Variants in SYN3 observed in about 807,000 individuals in gnomAD.
SYN3 encodes the protein synapsin III, also known as synapsin-3.
In SYN3, 35 loss-of-function variants were observed where a neutral mutation model predicts 65.8. The ratio of observed to expected loss-of-function variants is 0.53; its 90% CI spans 0.41 to 0.70. The LOEUF (loss-of-function observed/expected upper bound fraction) is 0.70. SYN3 is among the 30% of genes least tolerant of loss of function. The pLI is 0.00. For synonymous variants in SYN3, 270 were observed against 292.9 expected (o/e 0.92, Z 0.80); for missense variants, 680 against 749.0 (o/e 0.91, Z 1.08).
chr22:32,592,447 A>G (rs1243206540), intron 7 of SYN3, among the ~76,000 whole-genome samples: 2 of 152,160 alleles, frequency 1.3e-5, no homozygotes, highest in Admixed American at 6.5e-5. Flanking sequence ...GAGTTTCACC[A>G]TATTTTGATT....
At chr22:32,799,588 G>A (rs2046512714) in intron 6 of SYN3, among the ~76,000 whole-genome samples, 1 of 152,210 alleles carries the variant, frequency 6.6e-6, no homozygotes, top group African/African-American at 2.4e-5. Context: ...CCTCTATCAT[G>A]TAAGATGCTT....
intron 7 of SYN3, among the ~76,000 whole-genome samples, chr22:32,572,879 T>C (rs979645226): frequency 2.0e-5 from 3 of 152,186 alleles, no homozygotes; most frequent in Admixed American, 2.0e-4. Flanking sequence ...GGGCCTTGCG[T>C]TGCCACTGCG....
intron 9 of SYN3, among the ~76,000 whole-genome samples, chr22:32,537,437 G>T (rs1423988872): frequency 6.6e-6 from 1 of 152,188 alleles, no homozygotes; most frequent in Non-Finnish European, 1.5e-5. Context: ...GGGATTACAG[G>T]TGTGAGCCAC....
At chr22:32,624,856 C>T (rs979693617) in intron 6 of SYN3, among the ~76,000 whole-genome samples, 10 of 152,180 alleles carry the variant, frequency 6.6e-5, no homozygotes, top group Non-Finnish European at 1.5e-4. Context: ...TCTAGTCCTG[C>T]CCGCTAATTG....
intron 7 of SYN3, among the ~76,000 whole-genome samples, chr22:32,574,956 A>G (rs114359850): frequency 1.2e-3 from 181 of 152,364 alleles, no homozygotes; most frequent in African/African-American, 4.0e-3. Context: ...TTAAACTCGC[A>G]AATGTATTCC....
rs1165750450 is a variant in SYN3, at chr22:32,510,440, T to C, written c.*3252A>G. Among the ~76,000 whole-genome samples the C allele has an allele frequency of 6.6e-6, 1 of 152,204 alleles. No individual in the cohort carries two copies. The highest frequency in any genetic ancestry group is 1.5e-5 in the Non-Finnish European group (1 of 68,038). ...GTTGTATGTTTTGAGCTGTCTTTTA[T>C]TACTAAGTGAAAACTGGGTGAGATT... On this transcript the variant is annotated 3_prime_UTR_variant, in exon 14 of 14. Coordinates refer to ENST00000358763, the MANE Select transcript of SYN3 (RefSeq NM_003490.4).
chr22:32,667,403 A>T (rs1465586510), intron 6 of SYN3, among the ~76,000 whole-genome samples: 2 of 152,148 alleles, frequency 1.3e-5, no homozygotes. Context: ...TTTCAAGATG[A>T]CAAATATCTT....
chr22:32,827,931 C>G (rs1316405969), intron 6 of SYN3, among the ~76,000 whole-genome samples: 1 of 152,182 alleles, frequency 6.6e-6, no homozygotes, highest in East Asian at 1.9e-4. Context: ...CAAATGTCAC[C>G]TTCGTAGAGA....
At chr22:32,914,414 T>G (rs961352650) in intron 4 of SYN3, among the ~76,000 whole-genome samples, 1 of 151,108 alleles carries the variant, frequency 6.6e-6, no homozygotes, top group Non-Finnish European at 1.5e-5. Context: ...AATATGGGGA[T>G]AGTAACAGGC....
At position 32,676,661 on chromosome 22, in the gene SYN3, C is replaced by T. The variant is rs1365653377; in HGVS notation, c.712-79925G>A. Among the ~76,000 whole-genome samples, 7 of 150,156 alleles carry T rather than the reference C, an allele frequency of 4.7e-5. No individual in the cohort carries two copies. The East Asian group carries it at 5.9e-4, about 13-fold the overall frequency. ...ACGCCATTCTCCTGCCTTAGCCCCC[C>T]GAGTAGCTGGGACTACAGGCACCCA... On this transcript the variant is annotated intron_variant, in intron 6 of 13. Transcript: ENST00000358763.
intron 6 of SYN3, among the ~76,000 whole-genome samples, chr22:32,721,784 G>T (rs2061122714): frequency 6.6e-6 from 1 of 152,202 alleles, no homozygotes; most frequent in South Asian, 2.1e-4. Flanking sequence ...AATGTCAGAT[G>T]ATAAATCGTC....
chr22:32,736,018 C>T (rs2061333080), intron 6 of SYN3, among the ~76,000 whole-genome samples: 1 of 152,176 alleles, frequency 6.6e-6, no homozygotes, highest in Non-Finnish European at 1.5e-5. Flanking sequence ...GGCAGGATTT[C>T]CTAGAATCAG....
At chr22:32,730,404 A>G (rs781296755) in intron 6 of SYN3, among the ~76,000 whole-genome samples, 1 of 152,286 alleles carries the variant, frequency 6.6e-6, no homozygotes, top group African/African-American at 2.4e-5. Context: ...TGGGCTAGAC[A>G]CTGCAGATTC....
intron 3 of SYN3, among the ~76,000 whole-genome samples, chr22:32,964,589 C>A (rs1015996547): frequency 6.6e-6 from 1 of 152,096 alleles, no homozygotes; most frequent in Admixed American, 6.5e-5. Flanking sequence ...GTTATGATCA[C>A]AATTCTGCCA....
chr22:32,635,225 A>G (rs569095633), intron 6 of SYN3: 6 of 152,104 alleles, frequency 3.9e-5, no homozygotes, highest in Non-Finnish European at 8.8e-5. Context: ...CTGTCTGTCT[A>G]TCTATCTGTC....
chr22:32,992,455 G>A (rs1444264072), intron 2 of SYN3, among the ~76,000 whole-genome samples: 1 of 152,198 alleles, frequency 6.6e-6, no homozygotes, highest in Non-Finnish European at 1.5e-5. Context: ...TCTACCAGGT[G>A]GGAGCGTCAT....
At chr22:32,606,292 G>A (rs768733657) in intron 6 of SYN3, among the ~76,000 whole-genome samples, 10 of 152,280 alleles carry the variant, frequency 6.6e-5, no homozygotes, top group East Asian at 3.9e-4. Context: ...GGGGCAGCCC[G>A]GAAATGGGGT....
intron 4 of SYN3, among the ~76,000 whole-genome samples, chr22:32,904,991 G>A (rs1471211469): frequency 6.6e-6 from 1 of 152,096 alleles, no homozygotes; most frequent in African/African-American, 2.4e-5. Flanking sequence ...GTGTTCTGTG[G>A]TTCAGATGAG....
chr22:32,838,684 T>C (rs574519625), intron 6 of SYN3, among the ~76,000 whole-genome samples: 82 of 152,170 alleles, frequency 5.4e-4, no homozygotes, highest in African/African-American at 1.9e-3. Flanking sequence ...ACTTGTCCCT[T>C]CCTTTTCTGA....
Sources: gnomAD v4.1 joint callset for allele counts (sites outside exome capture counted in the v4.1 genomes callset) on GRCh38, gnomAD v4.1.1 for gene constraint, MANE v1.5 for transcripts, NCBI Gene and HGNC (gene_info 2026-07-23, HGNC 2026-07-21) for gene names.